Variants in APOF observed in about 807,000 individuals in gnomAD.
APOF encodes the protein lipid transfer inhibitor protein.
APOF carries 2 observed loss-of-function variants against 2.4 expected under a neutral mutation model. The ratio of observed to expected loss-of-function variants is 0.83; its 90% CI spans 0.34 to 2.61. APOF has a LOEUF of 2.61. Among genes scored for constraint, APOF ranks in the 30% most tolerant of loss-of-function variants. The pLI is 0.11. For missense variants in APOF, 370 were observed against 388.7 expected (o/e 0.95, Z 0.40); for synonymous variants, 149 against 155.6 (o/e 0.96, Z 0.32).
At chr12:56,362,484 T>C (rs1880428363) in intron 1 of APOF, among the ~76,000 whole-genome samples, 1 of 152,090 alleles carries the variant, frequency 6.6e-6, no homozygotes, top group South Asian at 2.1e-4. Flanking sequence ...TGTAGAGACG[T>C]GGTTTTGCCA....
chr12:56,361,190 A>G lies in APOF; in HGVS notation c.*35T>C, dbSNP rs1323763495. 3 of 1,590,854 alleles carry G rather than the reference A, an allele frequency of 1.9e-6. No homozygotes were observed. The African/African-American group carries it at 4.0e-5, about 21-fold the overall frequency. ...AGACATGTATATAGCTTGTCAGGGT[A>G]GTACAGTTATTAATTCTGTGGTTAC... On this transcript the variant is annotated 3_prime_UTR_variant, in exon 2 of 2. Coordinates refer to ENST00000398189, the MANE Select transcript of APOF (RefSeq NM_001638.4).
rs777314785 is a variant in APOF, at chr12:56,361,300, A to C, written c.906T>G (p.Ser302Arg). ...TLASFISEVVSSAPYWGWAII... is the reference protein window; with the variant it reads ...TLASFISEVVRSAPYWGWAII... ...TGGCCCACCCCCAGTAGGGAGCTGA[A>C]CTTACTACTTCTGATATGAAAGAAG... Residue 302 changes from serine to arginine, a missense_variant, in exon 2 of 2, where the codon AGT becomes AGG. Transcript: ENST00000398189. 3 of 1,614,020 alleles carry C rather than the reference A, an allele frequency of 1.9e-6. No individual in the cohort carries two copies. The South Asian group carries it at 3.3e-5, about 18-fold the overall frequency.
chr12:56,362,856 ATGTAATCTC>A, exon 1 of APOF: 1 of 1,299,884 alleles, frequency 7.7e-7, no homozygotes, highest in Non-Finnish European at 1.1e-6. Context: ...TCAGTGAAGG[ATGTAATCTC>A]TGCAAATATT....
rs769059248 is a variant in APOF at position 56,361,450 on chromosome 12, C to T, written c.756G>A (p.Gly252=). ...SAALKPALRS[G]VQQLIQYYQD... Reference sequence around the variant, plus strand: ...GGTAATACTGGATCAACTGCTGAACCCCAGACCTTAATGCAGGTTTAAGTG... The same window carrying T: ...GGTAATACTGGATCAACTGCTGAACTCCAGACCTTAATGCAGGTTTAAGTG... The change falls in exon 2 of 2, where the codon GGG becomes GGA. Residue 252 remains glycine, a synonymous_variant. Coordinates refer to ENST00000398189, the MANE Select transcript of APOF (RefSeq NM_001638.4). 11 of 1,613,900 alleles carry T rather than the reference C, an allele frequency of 6.8e-6. No homozygotes were observed. The highest frequency in any genetic ancestry group is 2.2e-5 in the East Asian group (1 of 44,898).
rs1301143016 is a variant in APOF, at chr12:56,361,881, G to T, written c.325C>A (p.Leu109Ile). 6.2e-7 allele frequency: 1 copy of T among 1,613,726 alleles called. No homozygotes were observed. The highest frequency in any genetic ancestry group is 2.2e-5 in the East Asian group (1 of 44,898). The change falls in exon 2 of 2, where the codon CTA (leucine) becomes ATA (isoleucine). Residue 109 changes from leucine (L) to isoleucine (I), a missense_variant. By Grantham distance (5) the Leu-to-Ile change is conservative. Transcript: ENST00000398189. ...ACACCACCCTGGCGGTAGAGCTGTA[G>T]CTGTAGAGCCCAAACATCAGCCTGA... ...GCQADVWALQ[L>I]QLYRQGGVNA... is the part of the protein sequence containing the mutation.
At chr12:56,362,650 C>T in intron 1 of APOF, 80 bp downstream of exon 1, 5 of 1,441,510 alleles carry the variant, frequency 3.5e-6, no homozygotes, top group Non-Finnish European at 4.9e-6. Flanking sequence ...ACCCCAGTTG[C>T]TCCCACTTGG....
chr12:56,362,836 TC>T lies in APOF; in HGVS notation c.-92del. The T allele has an allele frequency of 3.4e-6, 5 of 1,457,350 alleles. No homozygotes were observed. The South Asian group carries it at 5.9e-5, about 17-fold the overall frequency. 90.3% of individuals were successfully genotyped at this position (1,457,350 alleles called of 1,614,324 possible). On this transcript the variant is annotated 5_prime_UTR_variant, in exon 1 of 2. Transcript: ENST00000398189. Reference sequence around the variant, plus strand: ...CCATGAGGAAAGGAGATATTTGCTTTCCCCTATGATCAGTGAAGGATGTAAT... The same window carrying T: ...CCATGAGGAAAGGAGATATTTGCTTTCCCTATGATCAGTGAAGGATGTAAT...
Position 56,361,707 on chromosome 12 carries a change from G to C in APOF, c.499C>G (p.Pro167Ala). The C allele has an allele frequency of 6.2e-7, 1 of 1,610,136 alleles. No individual in the cohort carries two copies. Among genetic ancestry groups the C allele is most frequent in the Non-Finnish European group, 8.5e-7 (1 of 1,178,266 alleles). Residue 167 changes from proline (P) to alanine (A), a missense_variant, in exon 2 of 2, where the codon CCG becomes GCG. Transcript: ENST00000398189. ...QSTGRVGRSLPTEDCENEKEQ... is the reference protein window; with the variant it reads ...QSTGRVGRSLATEDCENEKEQ... ...TTCTCATTCTCACAGTCCTCTGTCGGGAGGGAGCGCCCGACCCTTCCTGTG... is the reference window on the plus strand; with the variant it reads ...TTCTCATTCTCACAGTCCTCTGTCGCGAGGGAGCGCCCGACCCTTCCTGTG...
rs768538301 is a variant in APOF, at chr12:56,361,702, T to C, written c.504A>G (p.Thr168=). Residue 168 remains threonine, a synonymous_variant, in exon 2 of 2, where the codon ACA becomes ACG. Transcript: ENST00000398189. ...STGRVGRSLP[T]EDCENEKEQA... ...GCTCCTTCTCATTCTCACAGTCCTC[T>C]GTCGGGAGGGAGCGCCCGACCCTTC... 34 of 1,610,616 alleles carry C rather than the reference T, an allele frequency of 2.1e-5. No homozygotes were observed. The highest frequency in any genetic ancestry group is 3.3e-4 in the Middle Eastern group (2 of 6,078).
At position 56,361,706 on chromosome 12, in the gene APOF, G is replaced by A. The variant is rs138128077; in HGVS notation, c.500C>T (p.Pro167Leu). Residue 167 changes from proline to leucine, a missense_variant, in exon 2 of 2, where the codon CCG becomes CTG. Pro to Leu is a moderately conservative substitution (Grantham distance 98, BLOSUM62 -3). Coordinates refer to ENST00000398189, the MANE Select transcript of APOF (RefSeq NM_001638.4). ...QSTGRVGRSL[P>L]TEDCENEKEQ... is the part of the protein sequence containing the mutation. ...CTTCTCATTCTCACAGTCCTCTGTC[G>A]GGAGGGAGCGCCCGACCCTTCCTGT... 3.7e-4 allele frequency: 602 copies of A among 1,609,928 alleles called. 2 individuals carry two copies. In the African/African-American group the frequency reaches 6.1e-3, roughly 16 times the overall value.
Position 56,361,374 on chromosome 12 carries a change from A to G in APOF, c.832T>C (p.Leu278=). Reference sequence around the variant, plus strand: ...TCACTCACATCTGAGATGGCCCTCAAACCCTCCTTGGTGGTCTCCGGCTGA... The same window carrying G: ...TCACTCACATCTGAGATGGCCCTCAGACCCTCCTTGGTGGTCTCCGGCTGA... ...ISQPETTKEG[L]RAISDVSDLE... The change falls in exon 2 of 2, where the codon TTG becomes CTG. Residue 278 remains leucine (L), a synonymous_variant. Coordinates refer to ENST00000398189, the MANE Select transcript of APOF (RefSeq NM_001638.4). 6.2e-7 allele frequency: 1 copy of G among 1,614,016 alleles called. No homozygotes were observed. Among genetic ancestry groups the G allele is most frequent in the South Asian group, 1.1e-5 (1 of 91,082 alleles).
At position 56,362,037 on chromosome 12, in the gene APOF, T is replaced by C. The variant is rs1880407087; in HGVS notation, c.169A>G (p.Thr57Ala). 1 of 1,613,834 alleles carries C rather than the reference T, an allele frequency of 6.2e-7. No homozygotes were observed. The highest frequency in any genetic ancestry group is 1.3e-5 in the African/African-American group (1 of 74,890). Residue 57 changes from threonine (T) to alanine (A), a missense_variant, in exon 2 of 2, where the codon ACA becomes GCA. Transcript: ENST00000398189. ...CAGGACAAGGGGTCTGAGGAGGGTG[T>C]CTGGGATTCCAAGGACAAGGGAAAG... is the stretch of plus-strand genomic sequence containing the variant. Reference protein sequence around the residue: ...MHFPLSLESQTPSSDPLSCQF... With the variant: ...MHFPLSLESQAPSSDPLSCQF...
In APOF at chr12:56,361,116, C is replaced by T. The variant is rs997799612; in HGVS notation, c.*109G>A. On this transcript the variant is annotated 3_prime_UTR_variant, in exon 2 of 2. Transcript: ENST00000398189. The stretch of plus-strand genomic sequence containing the variant: ...CAACACCCAAACATTTACGTTCTTA[C>T]GTTTTACTGTACAGCCTTCCTCCTG... 13 of 1,328,648 alleles carry T rather than the reference C, an allele frequency of 9.8e-6. No individual in the cohort carries two copies. Among genetic ancestry groups the T allele is most frequent in the Middle Eastern group, 2.1e-4 (1 of 4,728 alleles). 82.3% of individuals were successfully genotyped at this position (1,328,648 alleles called of 1,614,324 possible).
chr12:56,362,739 C>T lies in APOF; in HGVS notation c.7G>A (p.Gly3Arg). Residue 3 changes from glycine to arginine, a missense_variant, in exon 1 of 2, where the codon GGA becomes AGA. Gly to Arg is a moderately radical substitution (Grantham distance 125). Transcript: ENST00000398189. MT[G>R]LCGYSAPDMR... ...AGGGACCCCAAATTACCACACAGTCCAGTCATTGAGAAGTGAGACTGCCTT... is the reference window on the plus strand; with the variant it reads ...AGGGACCCCAAATTACCACACAGTCTAGTCATTGAGAAGTGAGACTGCCTT... 1 of 1,613,894 alleles carries T rather than the reference C, an allele frequency of 6.2e-7. No individual in the cohort carries two copies. Among genetic ancestry groups the T allele is most frequent in the East Asian group, 2.2e-5 (1 of 44,882 alleles).
At chr12:56,362,307 T>C in intron 1 of APOF, 118 bp from the exon 2 acceptor site, 1 of 1,240,756 alleles carries the variant, frequency 8.1e-7, no homozygotes, top group South Asian at 1.5e-5. Flanking sequence ...TGTACTTTCT[T>C]TTTAGAGACA....
rs754882582 is a variant in APOF at position 56,361,394 on chromosome 12, G to A, written c.812C>T (p.Pro271Leu). The change falls in exon 2 of 2, where the codon CCG becomes CTG. Residue 271 changes from proline to leucine, a missense_variant. Physicochemically the swap from Pro to Leu is moderately conservative, Grantham distance 98. Coordinates refer to ENST00000398189, the MANE Select transcript of APOF (RefSeq NM_001638.4). ...CCTCAAACCCTCCTTGGTGGTCTCC[G>A]GCTGAGAGATGTTTGCGTCTTTCTG... is the stretch of plus-strand genomic sequence containing the variant. ...QDQKDANISQ[P>L]ETTKEGLRAI... 5.0e-6 allele frequency: 8 copies of A among 1,613,990 alleles called. No homozygotes were observed. Among genetic ancestry groups the A allele is most frequent in the African/African-American group, 2.7e-5 (2 of 75,028 alleles).
chr12:56,362,819 A>C lies in APOF; in HGVS notation c.-74T>G, dbSNP rs1309508692. 6.4e-7 allele frequency: 1 copy of C among 1,560,216 alleles called. No individual in the cohort carries two copies. Among genetic ancestry groups the C allele is most frequent in the African/African-American group, 1.4e-5 (1 of 73,842 alleles). On this transcript the variant is annotated 5_prime_UTR_variant, in exon 1 of 2. Coordinates refer to ENST00000398189, the MANE Select transcript of APOF (RefSeq NM_001638.4). ...CTGCCTAGTTCTGTGTCCCATGAGG[A>C]AAGGAGATATTTGCTTTCCCCTATG...
intron 1 of APOF, 71 bp downstream of exon 1, chr12:56,362,659 G>T (rs1215449518): frequency 2.0e-6 from 3 of 1,505,976 alleles, no homozygotes; most frequent in Non-Finnish European, 9.2e-7. Context: ...GCTCCCACTT[G>T]GTCTCCCCCA....
rs1347841238 is a variant in APOF at position 56,361,889 on chromosome 12, G to A, written c.317C>T (p.Ala106Val). Reference sequence around the variant, plus strand: ...CTGGCGGTAGAGCTGTAGCTGTAGAGCCCAAACATCAGCCTGACAACCAGC... The same window carrying A: ...CTGGCGGTAGAGCTGTAGCTGTAGAACCCAAACATCAGCCTGACAACCAGC... Reference protein sequence around the residue: ...EEAGCQADVWALQLQLYRQGG... With the variant: ...EEAGCQADVWVLQLQLYRQGG... Residue 106 changes from alanine to valine, a missense_variant, in exon 2 of 2, where the codon GCT becomes GTT. Physicochemically the swap from Ala to Val is moderately conservative, Grantham distance 64. Transcript: ENST00000398189. 6.2e-7 allele frequency: 1 copy of A among 1,613,756 alleles called. No homozygotes were observed. Among genetic ancestry groups the A allele is most frequent in the Non-Finnish European group, 8.5e-7 (1 of 1,179,830 alleles).
Sources: gnomAD v4.1 joint callset for allele counts (sites outside exome capture counted in the v4.1 genomes callset) on GRCh38, gnomAD v4.1.1 for gene constraint, MANE v1.5 for transcripts, NCBI Gene and HGNC (gene_info 2026-07-23, HGNC 2026-07-21) for gene names.